Variants in ADGRE5 observed in about 807,000 individuals in gnomAD.
The protein encoded by ADGRE5 is CD97 molecule.
In ADGRE5, 72 loss-of-function variants were observed where a neutral mutation model predicts 100.3. The observed-to-expected ratio is 0.72, with a 90% confidence interval of 0.59 to 0.87. The LOEUF is 0.87. Among genes scored for constraint, ADGRE5 ranks in the 40% least tolerant of loss-of-function variants. The pLI is 0.00. For synonymous variants in ADGRE5, 439 were observed against 447.8 expected (o/e 0.98, Z 0.25); for missense variants, 959 against 1,094.7 (o/e 0.88, Z 1.75).
chr19:14,406,994 G>T lies in ADGRE5; in HGVS notation c.2207+34G>T. 1 of 1,613,764 alleles carries T rather than the reference G, an allele frequency of 6.2e-7. No homozygotes were observed. On this transcript the variant is annotated intron_variant, in intron 17 of 19. Coordinates refer to ENST00000242786, the MANE Select transcript of ADGRE5 (RefSeq NM_078481.4). The surrounding 1 kb of genome is among the most constrained non-coding windows in gnomAD (Gnocchi z 6.0). ...AGAGGCTGGAAGGACTTGGAGGCGG[G>T]GCCGGGGTGAGGGGCATGAAGCTGG... is the stretch of plus-strand genomic sequence containing the variant.
chr19:14,391,184 G>C lies in ADGRE5; in HGVS notation c.346+105G>C, dbSNP rs552843527. The C allele has an allele frequency of 3.4e-6, 5 of 1,459,264 alleles. No individual in the cohort carries two copies. The African/African-American group carries it at 7.0e-5, about 20-fold the overall frequency. 90.4% of individuals were successfully genotyped at this position (1,459,264 alleles called of 1,614,324 possible). ...GCAGGGCCTTGGTTGTAGGGTCAGT[G>C]CCTGGCGTCTGAGATGGGACAGGTG... On this transcript the variant is annotated intron_variant, in intron 4 of 19. Coordinates refer to ENST00000242786, the MANE Select transcript of ADGRE5 (RefSeq NM_078481.4).
Position 14,401,365 on chromosome 19 carries a change from C to A in ADGRE5, c.898-21C>A. 1 of 1,610,682 alleles carries A rather than the reference C, an allele frequency of 6.2e-7. No individual in the cohort carries two copies. Among genetic ancestry groups the A allele is most frequent in the Non-Finnish European group, 8.5e-7 (1 of 1,178,058 alleles). ...CCTGTGGTCTGATGCTCCAGCGATTCTGTCACCCGCCACCCCCTAGAATGT... is the reference window on the plus strand; with the variant it reads ...CCTGTGGTCTGATGCTCCAGCGATTATGTCACCCGCCACCCCCTAGAATGT... On this transcript the variant is annotated intron_variant, in intron 9 of 19. Transcript: ENST00000242786. This position sits in a 1 kb window ranked among gnomAD's most constrained non-coding sequence, Gnocchi z 4.1.
intron 3 of ADGRE5, among the ~76,000 whole-genome samples, chr19:14,390,161 G>A (rs530574587): frequency 7.0e-4 from 106 of 151,170 alleles, no homozygotes; most frequent in Middle Eastern, 3.4e-3. Flanking sequence ...GAGGAAGGAA[G>A]GAAGGAAGGA....
rs1209739373 is a variant in ADGRE5 at position 14,402,974 on chromosome 19, C to T, written c.1449+112C>T. The T allele has an allele frequency of 3.8e-6, 4 of 1,040,816 alleles. No homozygotes were observed. In the East Asian group the frequency reaches 9.8e-5, roughly 25 times the overall value. The allele number at this position is 1,040,816 out of a possible 1,614,324, so 64.5% of individuals were successfully genotyped here. ...GTGACTCAGTCTTTTATGTTTCTGG[C>T]CTTCTGATTTGGGCCTTCCCCAACC... On this transcript the variant is annotated intron_variant, in intron 12 of 19. Transcript: ENST00000242786.
intron 1 of ADGRE5, among the ~76,000 whole-genome samples, chr19:14,385,831 C>T (rs908806615): frequency 4.7e-5 from 7 of 149,898 alleles, no homozygotes; most frequent in Admixed American, 2.7e-4. Context: ...AGTGCAGTGG[C>T]GTGATCTTGG....
intron 4 of ADGRE5, 134 bp downstream of exon 4, chr19:14,391,213 A>C: frequency 6.2e-6 from 7 of 1,126,640 alleles, no homozygotes; most frequent in Non-Finnish European, 9.0e-6. Context: ...ACAGGTGCAC[A>C]TGTACCTACC....
In ADGRE5 at chr19:14,391,001, G is replaced by C. The variant is rs372021393; in HGVS notation, c.268G>C (p.Asp90His). ...CTGCTGGAACACAGAGGGGAGCTAC[G>C]ACTGCGTGTGCAGCCCGGGATATGA... is the stretch of plus-strand genomic sequence containing the variant. The part of the protein sequence containing the change: ...SDCWNTEGSY[D>H]CVCSPGYEPV... Residue 90 changes from aspartate to histidine, a missense_variant, in exon 4 of 20, where the codon GAC (aspartate) becomes CAC (histidine). Physicochemically the swap from Asp to His is moderately conservative, Grantham distance 81. This residue lies in a region of ADGRE5 where 114 missense variants were observed against 195.7 expected (regional missense o/e 0.58). Transcript: ENST00000242786. 1.2e-6 allele frequency: 2 copies of C among 1,614,210 alleles called. No individual in the cohort carries two copies. Among genetic ancestry groups the C allele is most frequent in the South Asian group, 2.2e-5 (2 of 91,090 alleles).
chr19:14,390,801 A>T, intron 3 of ADGRE5, 123 bp from the exon 4 acceptor site: 2 of 1,212,774 alleles, frequency 1.6e-6, no homozygotes, highest in Non-Finnish European at 2.3e-6. Flanking sequence ...GTGCAGTGCA[A>T]CTTAAGATTT....
rs2146378268 is a variant in ADGRE5, at chr19:14,406,739, C to T, written c.2088C>T (p.Phe696=). 1 of 1,614,178 alleles carries T rather than the reference C, an allele frequency of 6.2e-7. No individual in the cohort carries two copies. Among genetic ancestry groups the T allele is most frequent in the Non-Finnish European group, 8.5e-7 (1 of 1,180,032 alleles). ...TTGAGCAGGGCTTCCTCTGGAGCTT[C>T]TTGGGACCTGTGACCTTCATCATTT... is the stretch of plus-strand genomic sequence containing the variant. ...LDFEQGFLWS[F]LGPVTFIILC... Residue 696 remains phenylalanine (F), a synonymous_variant, in exon 16 of 20, where the codon TTC becomes TTT. Coordinates refer to ENST00000242786, the MANE Select transcript of ADGRE5 (RefSeq NM_078481.4). This position sits in a 1 kb window ranked among gnomAD's most constrained non-coding sequence, Gnocchi z 6.0.
chr19:14,401,798 G>C lies in ADGRE5; in HGVS notation c.1183+38G>C, dbSNP rs1976024152. 1.4e-6 allele frequency: 2 copies of C among 1,390,782 alleles called. No homozygotes were observed. The highest frequency in any genetic ancestry group is 2.3e-5 in the Admixed American group (1 of 43,008). The allele number at this position is 1,390,782 out of a possible 1,614,324, so 86.2% of individuals were successfully genotyped here. A position where few individuals can be genotyped will look rare whatever the true frequency, so the allele number is the denominator to read the frequency against. On this transcript the variant is annotated intron_variant, in intron 11 of 19. Transcript: ENST00000242786. This position sits in a 1 kb window ranked among gnomAD's most constrained non-coding sequence, Gnocchi z 4.1. ...GTCTGGAGGGGGAGCCCGTGGGAGAGAGATGGAGGTGCTGGGATGGGGCCA... is the reference window on the plus strand; with the variant it reads ...GTCTGGAGGGGGAGCCCGTGGGAGACAGATGGAGGTGCTGGGATGGGGCCA...
At position 14,404,656 on chromosome 19, in the gene ADGRE5, G is replaced by A; in HGVS notation, c.1629+94G>A. The A allele has an allele frequency of 3.2e-6, 4 of 1,261,336 alleles. No homozygotes were observed. In the South Asian group the frequency reaches 5.2e-5, roughly 16 times the overall value. 78.1% of individuals were successfully genotyped at this position (1,261,336 alleles called of 1,614,324 possible). A position where few individuals can be genotyped will look rare whatever the true frequency, so the allele number is the denominator to read the frequency against. On this transcript the variant is annotated intron_variant, in intron 13 of 19. Coordinates refer to ENST00000242786, the MANE Select transcript of ADGRE5 (RefSeq NM_078481.4). The stretch of plus-strand genomic sequence containing the variant: ...AGTTCTCCATGGAGCCCTACTGGTT[G>A]CTCAGATATATCTGCATGGTTGCAC...
At chr19:14,404,871 T>G in intron 13 of ADGRE5, 1 of 335,808 alleles carries the variant, frequency 3.0e-6, no homozygotes, top group Non-Finnish European at 5.4e-6. Flanking sequence ...TGCCCGTTTT[T>G]TTTTTTTTTT....
Position 14,406,743 on chromosome 19 carries a change from G to A in ADGRE5, c.2092G>A (p.Gly698Arg). 1 of 1,614,096 alleles carries A rather than the reference G, an allele frequency of 6.2e-7. No individual in the cohort carries two copies. The highest frequency in any genetic ancestry group is 8.5e-7 in the Non-Finnish European group (1 of 1,180,006). ...GCAGGGCTTCCTCTGGAGCTTCTTG[G>A]GACCTGTGACCTTCATCATTTTGGT... ...FEQGFLWSFL[G>R]PVTFIILCNA... The change falls in exon 16 of 20, where the codon GGA (glycine) becomes AGA (arginine). Residue 698 changes from glycine (G) to arginine (R), a missense_variant. Physicochemically the swap from Gly to Arg is moderately radical, Grantham distance 125. Coordinates refer to ENST00000242786, the MANE Select transcript of ADGRE5 (RefSeq NM_078481.4). This position sits in a 1 kb window ranked among gnomAD's most constrained non-coding sequence, Gnocchi z 6.0.
At chr19:14,389,767 G>GAGAA (rs938971113) in intron 3 of ADGRE5, among the ~76,000 whole-genome samples, 6 of 150,530 alleles carry the variant, frequency 4.0e-5, no homozygotes, top group African/African-American at 1.5e-4. Flanking sequence ...CAGAGAAGGA[G>GAGAA]AGAAAGAGAA....
chr19:14,391,111 A>G, intron 4 of ADGRE5, 32 bp downstream of exon 4: 1 of 1,613,290 alleles, frequency 6.2e-7, no homozygotes, highest in Non-Finnish European at 8.5e-7. Flanking sequence ...CTGACTTTCC[A>G]TCCATGAGGT....
chr19:14,406,724 C>G lies in ADGRE5; in HGVS notation c.2073C>G (p.Gly691=). The change falls in exon 16 of 20, where the codon GGC becomes GGG. Residue 691 remains glycine, a synonymous_variant. Coordinates refer to ENST00000242786, the MANE Select transcript of ADGRE5 (RefSeq NM_078481.4). This position sits in a 1 kb window ranked among gnomAD's most constrained non-coding sequence, Gnocchi z 6.0. ...PRYCWLDFEQ[G]FLWSFLGPVT... is the part of the protein sequence containing the mutation. ...GCTGCTGGTTGGACTTTGAGCAGGGCTTCCTCTGGAGCTTCTTGGGACCTG... is the reference window on the plus strand; with the variant it reads ...GCTGCTGGTTGGACTTTGAGCAGGGGTTCCTCTGGAGCTTCTTGGGACCTG... 1.9e-6 allele frequency: 3 copies of G among 1,614,144 alleles called. No individual in the cohort carries two copies. The highest frequency in any genetic ancestry group is 1.3e-5 in the African/African-American group (1 of 75,050).
chr19:14,404,715 C>G, intron 13 of ADGRE5, 153 bp downstream of exon 13: 1 of 679,154 alleles, frequency 1.5e-6, no homozygotes, highest in South Asian at 1.9e-5. Context: ...CCCTTCGCAG[C>G]CTCTTCCTTT....
chr19:14,397,961 C>T (rs763222536), intron 8 of ADGRE5, 26 bp downstream of exon 8: 43 of 1,427,362 alleles, frequency 3.0e-5, no homozygotes, highest in Admixed American at 9.3e-5. Flanking sequence ...AGGGACGAGG[C>T]GGCGGGAACT....
At chr19:14,385,211 T>C (rs1035622829) in intron 1 of ADGRE5, among the ~76,000 whole-genome samples, 7 of 151,234 alleles carry the variant, frequency 4.6e-5, no homozygotes, top group African/African-American at 1.5e-4. Flanking sequence ...GGGGTTTCAC[T>C]ATGTTGGCCA....
Sources: allele counts gnomAD v4.1 joint callset (sites outside exome capture counted in the v4.1 genomes callset), GRCh38; gene constraint gnomAD v4.1.1; regional missense constraint gnomAD v4.1.1; non-coding constraint Gnocchi (gnomAD v3.1); transcripts MANE v1.5; gene names NCBI Gene and HGNC (gene_info 2026-07-23, HGNC 2026-07-21).